HHLA1: variants seen among roughly 807,000 people sequenced by gnomAD.
The protein encoded by HHLA1 is HHLA1 neighbor of OC90.
A neutral mutation model predicts 69.9 loss-of-function variants in HHLA1; 72 were observed. That is an observed-to-expected ratio of 1.03 (90% CI 0.85 to 1.25). HHLA1 has a LOEUF of 1.25. Among genes scored for constraint, HHLA1 ranks in the 50% most tolerant of loss-of-function variants. The probability of loss-of-function intolerance (pLI) is 0.00; values close to 1 mark genes in which losing one functional copy is unlikely to be tolerated. For synonymous variants in HHLA1, 252 were observed against 233.2 expected (o/e 1.08, Z -0.73); for missense variants, 685 against 642.2 (o/e 1.07, Z -0.72).
intron 5 of HHLA1, among the ~76,000 whole-genome samples, chr8:132,098,322 C>G (rs1256583993): frequency 1.3e-5 from 2 of 152,184 alleles, no homozygotes; most frequent in African/African-American, 4.8e-5. Context: ...TTAACTTAAT[C>G]AATGAGTAAT....
chr8:132,081,773 G>T (rs540826889), intron 10 of HHLA1, among the ~76,000 whole-genome samples: 1 of 152,272 alleles, frequency 6.6e-6, no homozygotes, highest in African/African-American at 2.4e-5. Context: ...GCAAATCCTC[G>T]AGCTTCATGT....
Position 132,070,676 on chromosome 8 carries a change from C to T in HHLA1, c.1469+664G>A, listed in dbSNP as rs146369735. Among the ~76,000 whole-genome samples the T allele has an allele frequency of 5.2e-4, 79 of 152,034 alleles. 1 individual carries two copies. Among genetic ancestry groups the T allele is most frequent in the African/African-American group, 1.9e-3 (79 of 41,470 alleles). ...CTCAACTCATCTCATCACGGCTAAA[C>T]TCATCCCAACTCAACTCAACTCATC... On this transcript the variant is annotated intron_variant, in intron 15 of 16. Coordinates refer to ENST00000414222, the MANE Select transcript of HHLA1 (RefSeq NM_001145095.3).
At chr8:132,106,823 G>A (rs1041176951) in intron 1 of HHLA1, among the ~76,000 whole-genome samples, 4 of 152,202 alleles carry the variant, frequency 2.6e-5, no homozygotes, top group Admixed American at 2.6e-4. Flanking sequence ...AGGACTTAGC[G>A]TTCTCTCCAG....
At chr8:132,105,562 A>C (rs183454986) in intron 1 of HHLA1, among the ~76,000 whole-genome samples, 225 of 152,280 alleles carry the variant, frequency 1.5e-3, no homozygotes, top group Middle Eastern at 3.4e-3. Context: ...GAGTTCCACT[A>C]TCCTATAGTT....
intron 7 of HHLA1, among the ~76,000 whole-genome samples, chr8:132,093,178 G>C (rs1823971620): frequency 6.6e-6 from 1 of 152,150 alleles, no homozygotes; most frequent in Admixed American, 6.5e-5. Flanking sequence ...ATGACAGGTT[G>C]GATAGATAAG....
chr8:132,104,088 A>T lies in HHLA1; in HGVS notation c.139+20T>A, dbSNP rs549771513. The T allele has an allele frequency of 1.3e-6, 2 of 1,534,324 alleles. No homozygotes were observed. The highest frequency in any genetic ancestry group is 4.9e-5 in the East Asian group (2 of 40,846). On this transcript the variant is annotated intron_variant, in intron 3 of 16. Transcript: ENST00000414222. Reference sequence around the variant, plus strand: ...GCCCAAGAACAGTGAGCTGAAAAGGAGCCCTTATCACCCACTTACCTGTTG... The same window carrying T: ...GCCCAAGAACAGTGAGCTGAAAAGGTGCCCTTATCACCCACTTACCTGTTG...
At chr8:132,107,568 G>A (rs2436102) in intron 1 of HHLA1, among the ~76,000 whole-genome samples, 44,954 of 151,964 alleles carry the variant, frequency 0.3, 7,116 homozygotes, top group Non-Finnish European at 0.36. Flanking sequence ...CCAAATTGCT[G>A]GGATTACAGG....
At chr8:132,083,442 G>A (rs1295733303) in intron 10 of HHLA1, among the ~76,000 whole-genome samples, 6 of 152,020 alleles carry the variant, frequency 3.9e-5, no homozygotes, top group Non-Finnish European at 7.4e-5. Context: ...AGAGTTACCC[G>A]AAGCTTGGCG....
chr8:132,092,657 C>A (rs1023504810), intron 7 of HHLA1, among the ~76,000 whole-genome samples: 1 of 152,192 alleles, frequency 6.6e-6, no homozygotes, highest in Non-Finnish European at 1.5e-5. Context: ...TTGTAAGTTT[C>A]CTGAGGTCTC....
At chr8:132,080,137 C>T in intron 10 of HHLA1, 171 bp from the exon 11 acceptor site, 4 of 913,898 alleles carry the variant, frequency 4.4e-6, no homozygotes, top group Non-Finnish European at 6.9e-6. Context: ...CCTGTCAGAG[C>T]CTTTCTTCCA....
intron 16 of HHLA1, among the ~76,000 whole-genome samples, chr8:132,065,353 C>T (rs1287254945): frequency 6.6e-6 from 1 of 152,234 alleles, no homozygotes; most frequent in East Asian, 1.9e-4. Flanking sequence ...GCAATCTCGG[C>T]TTACTGCAAG....
In HHLA1 at chr8:132,063,176, C is replaced by T. The variant is rs1182599651; in HGVS notation, c.*819G>A. Reference sequence around the variant, plus strand: ...GTGCAACCCCACTGGAAGCTTGTGCCTGGGCTCTCTTGGACTCTCTCTAGA... The same window carrying T: ...GTGCAACCCCACTGGAAGCTTGTGCTTGGGCTCTCTTGGACTCTCTCTAGA... On this transcript the variant is annotated 3_prime_UTR_variant, in exon 17 of 17. Coordinates refer to ENST00000414222, the MANE Select transcript of HHLA1 (RefSeq NM_001145095.3). 6.6e-6 allele frequency: 1 copy of T among 152,238 alleles called. No homozygotes were observed. The highest frequency in any genetic ancestry group is 6.5e-5 in the Admixed American group (1 of 15,274). The allele number at this position is 152,238 out of a possible 1,614,324, so 9.4% of individuals were successfully genotyped here.
At chr8:132,074,267 G>T (rs1823597652) in intron 14 of HHLA1, among the ~76,000 whole-genome samples, 1 of 151,780 alleles carries the variant, frequency 6.6e-6, no homozygotes, top group Non-Finnish European at 1.5e-5. Context: ...CTTCCTCTCT[G>T]GATATACATA....
intron 10 of HHLA1, among the ~76,000 whole-genome samples, chr8:132,083,979 A>G (rs1415930089): frequency 6.6e-6 from 1 of 150,948 alleles, no homozygotes; most frequent in Non-Finnish European, 1.5e-5. Flanking sequence ...TTGACCTTTT[A>G]GGGTCTAGGG....
Position 132,087,853 on chromosome 8 carries a change from C to G in HHLA1, c.581G>C (p.Gly194Ala). ...SDCIFICVMT[G>A]KSGRNLSDFW... ...AATGTCTAGTGGTTTACCTGACTTT[C>G]CTGTCATCACACAGATGAAGATGCA... Residue 194 changes from glycine (G) to alanine (A), a missense_variant, in exon 9 of 17, where the codon GGA becomes GCA. Transcript: ENST00000414222. 6.4e-7 allele frequency: 1 copy of G among 1,551,522 alleles called. No homozygotes were observed. The highest frequency in any genetic ancestry group is 1.2e-5 in the South Asian group (1 of 84,060).
At position 132,063,900 on chromosome 8, in the gene HHLA1, T is replaced by C; in HGVS notation, c.*95A>G. 2.0e-6 allele frequency: 1 copy of C among 500,528 alleles called. No homozygotes were observed. The highest frequency in any genetic ancestry group is 3.7e-5 in the Admixed American group (1 of 26,808). 31.0% of individuals were successfully genotyped at this position (500,528 alleles called of 1,614,324 possible). A position where few individuals can be genotyped will look rare whatever the true frequency, so the allele number is the denominator to read the frequency against. On this transcript the variant is annotated 3_prime_UTR_variant, in exon 17 of 17. Coordinates refer to ENST00000414222, the MANE Select transcript of HHLA1 (RefSeq NM_001145095.3). ...ACTGATGATCTAGCTGGAGCCTGGG[T>C]GAATTCTTCAAATGTAGCCCACTTG...
At chr8:132,078,175 CACA>C (rs1823680224) in intron 11 of HHLA1, among the ~76,000 whole-genome samples, 1 of 69,052 alleles carries the variant, frequency 1.4e-5, no homozygotes, top group Admixed American at 1.3e-4. Context: ...CCAATAAACA[CACA>C]CACACACACA....
At chr8:132,088,302 G>T (rs1014399124) in intron 8 of HHLA1, among the ~76,000 whole-genome samples, 1 of 152,142 alleles carries the variant, frequency 6.6e-6, no homozygotes, top group Non-Finnish European at 1.5e-5. Flanking sequence ...GTGTGAGCTT[G>T]GTACCCAAAT....
intron 15 of HHLA1, chr8:132,070,301 T>C (rs1426650663): frequency 1.4e-6 from 1 of 701,794 alleles, no homozygotes; most frequent in Non-Finnish European, 2.6e-6. Context: ...ACCTTCTTAA[T>C]ATAAAACAGG....
Sources: allele counts gnomAD v4.1 joint callset (sites outside exome capture counted in the v4.1 genomes callset), GRCh38; gene constraint gnomAD v4.1.1; transcripts MANE v1.5; gene names NCBI Gene and HGNC (gene_info 2026-07-23, HGNC 2026-07-21).